COG4: variants seen among roughly 807,000 people sequenced by gnomAD.
The protein encoded by COG4 is conserved oligomeric Golgi complex subunit 4.
Under a neutral mutation model 95.1 loss-of-function variants are expected in COG4, and 65 were observed. The observed-to-expected ratio is 0.68, with a 90% CI of 0.56 to 0.84. The LOEUF is 0.84. COG4 is among the 40% of genes least tolerant of loss of function. The pLI is 0.00. For synonymous variants in COG4, 421 were observed against 374.8 expected (o/e 1.12, Z -1.42); for missense variants, 1,045 against 989.1 (o/e 1.06, Z -0.76).
intron 13 of COG4, among the ~76,000 whole-genome samples, chr16:70,489,391 G>A (rs2049198587): frequency 6.6e-6 from 1 of 151,424 alleles, no homozygotes; most frequent in African/African-American, 2.4e-5. Flanking sequence ...CTCATTTTTT[G>A]TATTTTTAGT....
At chr16:70,515,858 A>T (rs2049811331) in intron 3 of COG4, 1 of 348,560 alleles carries the variant, frequency 2.9e-6, no homozygotes, top group Admixed American at 4.1e-5. Flanking sequence ...TTTGTAGGAC[A>T]GGGTCTTACT....
chr16:70,512,477 T>C (rs1188190830), intron 4 of COG4, 45 bp from the exon 5 acceptor site: 1 of 1,531,386 alleles, frequency 6.5e-7, no homozygotes, highest in Non-Finnish European at 9.0e-7. Flanking sequence ...AGAATAGTAC[T>C]GTGGCAGGTC....
At chr16:70,520,164 G>C (rs183121516) in intron 1 of COG4, among the ~76,000 whole-genome samples, 1 of 151,996 alleles carries the variant, frequency 6.6e-6, no homozygotes, top group African/African-American at 2.4e-5. Flanking sequence ...GGCTGGGCGC[G>C]GCGGCTTACG....
At chr16:70,522,614 G>C (rs1041336211) in intron 1 of COG4, among the ~76,000 whole-genome samples, 1 of 152,228 alleles carries the variant, frequency 6.6e-6, no homozygotes, top group Non-Finnish European at 1.5e-5. Context: ...TTTGCTAGAA[G>C]TTTGGTCTGG....
chr16:70,515,527 T>C (rs2049803395), intron 3 of COG4, among the ~76,000 whole-genome samples: 1 of 151,874 alleles, frequency 6.6e-6, no homozygotes, highest in Non-Finnish European at 1.5e-5. Context: ...CTACTAAAAA[T>C]ACAAAAATTA....
chr16:70,519,120 C>CTT (rs779941972), intron 2 of COG4, among the ~76,000 whole-genome samples: 11 of 87,834 alleles, frequency 1.3e-4, no homozygotes, highest in African/African-American at 2.5e-4. Context: ...ATTTGCATTT[C>CTT]TTTTTTTTTT....
Position 70,482,973 on chromosome 16 carries a change from C to G in COG4, c.1828-152G>C, listed in dbSNP as rs541718741. ...TCTCTCCTCTCCCCATTTCTTCCTT[C>G]TCTCCTCTCCCCACCCCTTCCCTCT... On this transcript the variant is annotated intron_variant, in intron 14 of 18. Transcript: ENST00000323786. 1.1e-5 allele frequency: 7 copies of G among 632,244 alleles called. No individual in the cohort carries two copies. In the East Asian group the frequency reaches 2.1e-4, roughly 19 times the overall value. 39.2% of individuals were successfully genotyped at this position (632,244 alleles called of 1,614,324 possible). A position where few individuals can be genotyped will look rare whatever the true frequency, so the allele number is the denominator to read the frequency against.
At chr16:70,499,174 TA>T (rs1299121454) in intron 9 of COG4, among the ~76,000 whole-genome samples, 5 of 151,870 alleles carry the variant, frequency 3.3e-5, no homozygotes, top group African/African-American at 9.7e-5. Flanking sequence ...AGGAACTGAA[TA>T]TTTTTTTTTT....
intron 8 of COG4, chr16:70,501,473 G>A (rs2049448473): frequency 7.7e-6 from 2 of 258,214 alleles, no homozygotes; most frequent in Admixed American, 5.0e-5. Context: ...TCCTGCCTCA[G>A]CCTCCTGAGT....
At position 70,504,609 on chromosome 16, in the gene COG4, T is replaced by TAAAAAAAAAAAAAAAA. The variant is rs66751123; in HGVS notation, c.1062-3534_1062-3519dup. Among the ~76,000 whole-genome samples, 28 of 121,958 alleles carry TAAAAAAAAAAAAAAAA rather than the reference T, an allele frequency of 2.3e-4. 1 individual carries two copies. The highest frequency in any genetic ancestry group is 7.2e-4 in the African/African-American group (20 of 27,910). The allele number at this position is 121,958 out of a possible 152,430, so 80.0% of individuals were successfully genotyped here. A position where few individuals can be genotyped will look rare whatever the true frequency, so the allele number is the denominator to read the frequency against. On this transcript the variant is annotated intron_variant, in intron 8 of 18. Coordinates refer to ENST00000323786, the MANE Select transcript of COG4 (RefSeq NM_015386.3). ...GTGACGGAGTGAGTGAGATTCTATT[T>TAAAAAAAAAAAAAAAA]AAAAAAAAAAAAAAAAAAAGAGGCC...
At chr16:70,481,627 C>G in intron 17 of COG4, 137 bp downstream of exon 17, 1 of 1,418,966 alleles carries the variant, frequency 7.0e-7, no homozygotes, top group Non-Finnish European at 9.8e-7. Context: ...GCTTCAGAAG[C>G]CAGAGCAGGA....
At chr16:70,511,321 T>C (rs1282652958) in intron 5 of COG4, among the ~76,000 whole-genome samples, 3 of 151,986 alleles carry the variant, frequency 2.0e-5, no homozygotes, top group East Asian at 3.9e-4. Context: ...ACAAACCACA[T>C]GTTACAGAAT....
chr16:70,510,115 T>A (rs546392167), intron 5 of COG4, 94 bp from the exon 6 acceptor site: 1 of 1,019,144 alleles, frequency 9.8e-7, no homozygotes, highest in South Asian at 1.3e-5. Flanking sequence ...ATTGACTTTC[T>A]TTTTTTTCAC....
Position 70,523,538 on chromosome 16 carries a change from C to A in COG4, c.6G>T (p.Gly2=). 1 of 1,613,794 alleles carries A rather than the reference C, an allele frequency of 6.2e-7. No individual in the cohort carries two copies. Among genetic ancestry groups the A allele is most frequent in the South Asian group, 1.1e-5 (1 of 91,084 alleles). ...GCGAATCAAGGTCCGCCATCTTGGT[C>A]CCCATTCGGCACTTCCGGTCCCGCG... M[G]TKMADLDSPP... Residue 2 remains glycine (G), a synonymous_variant, in exon 1 of 19, where the codon GGG becomes GGT. Coordinates refer to ENST00000323786, the MANE Select transcript of COG4 (RefSeq NM_015386.3).
chr16:70,519,800 C>T, intron 1 of COG4, 69 bp from the exon 2 acceptor site: 1 of 1,149,396 alleles, frequency 8.7e-7, no homozygotes, highest in Non-Finnish European at 1.3e-6. Context: ...CTAATCCAAT[C>T]ACTTAGCTGA....
intron 7 of COG4, 118 bp downstream of exon 7, chr16:70,509,113 A>G: frequency 7.7e-7 from 1 of 1,297,626 alleles, no homozygotes; most frequent in Non-Finnish European, 1.1e-6. Flanking sequence ...TGCGCTTAGC[A>G]TTTATTTTTC....
Position 70,514,379 on chromosome 16 carries a change from C to T in COG4, c.500G>A (p.Cys167Tyr). The T allele has an allele frequency of 1.2e-6, 2 of 1,614,120 alleles. No individual in the cohort carries two copies. Among genetic ancestry groups the T allele is most frequent in the Non-Finnish European group, 1.7e-6 (2 of 1,179,984 alleles). The change falls in exon 4 of 19, where the codon TGC becomes TAC. Residue 167 changes from cysteine (C) to tyrosine (Y), a missense_variant. Physicochemically the swap from Cys to Tyr is radical, Grantham distance 194. Transcript: ENST00000323786. ...GAGCTCAATGACCGACTTGTCCAGG[C>T]ACAAGTAGCGATGAGTATGTGCTGC... is the stretch of plus-strand genomic sequence containing the variant. ...QAAAHTHRYL[C>Y]LDKSVIELSR...
intron 12 of COG4, among the ~76,000 whole-genome samples, chr16:70,492,384 C>G (rs370619878): frequency 6.6e-6 from 1 of 152,236 alleles, no homozygotes; most frequent in East Asian, 1.9e-4. Flanking sequence ...GGAGGCCAGG[C>G]GCAGTGGCTC....
chr16:70,486,736 C>T (rs1264720709), intron 13 of COG4, among the ~76,000 whole-genome samples: 1 of 152,208 alleles, frequency 6.6e-6, no homozygotes, highest in African/African-American at 2.4e-5. Context: ...GTGGCTCACG[C>T]CTGTAATCCC....
Sources: allele counts gnomAD v4.1 joint callset (sites outside exome capture counted in the v4.1 genomes callset), GRCh38; gene constraint gnomAD v4.1.1; transcripts MANE v1.5; gene names NCBI Gene and HGNC (gene_info 2026-07-23, HGNC 2026-07-21).